Variants in MED16 observed in about 807,000 individuals in gnomAD.
MED16 encodes the protein mediator of RNA polymerase II transcription subunit 16.
In MED16, 81 loss-of-function variants were observed where a neutral mutation model predicts 84.4. The ratio of observed to expected loss-of-function variants is 0.96; its 90% CI spans 0.80 to 1.15. The LOEUF is 1.15. Ranked by LOEUF, MED16 falls within the 50% of genes most tolerant of loss-of-function variation. MED16 has a pLI of 0.00. For missense variants in MED16, 1,585 were observed against 1,245.9 expected (o/e 1.27, Z -4.10); for synonymous variants, 897 against 552.2 (o/e 1.62, Z -8.76).
At chr19:875,645 G>A (rs1180527482) in intron 9 of MED16, among the ~76,000 whole-genome samples, 191 bp from the exon 10 acceptor site, 1 of 152,216 alleles carries the variant, frequency 6.6e-6, no homozygotes, top group Non-Finnish European at 1.5e-5. Context: ...ACCAGGTGCT[G>A]GGTTCTCAGC....
chr19:873,228 G>A (rs533140543), intron 11 of MED16, among the ~76,000 whole-genome samples: 36 of 143,478 alleles, frequency 2.5e-4, no homozygotes, highest in Middle Eastern at 3.5e-3. Context: ...GACTCAGGAA[G>A]TGGGACTCCA....
At position 875,290 on chromosome 19, in the gene MED16, G is replaced by C; in HGVS notation, c.1725C>G (p.Ser575Arg). ...RPHFLNTPDK[S>R]PGDRLTEICT... is the part of the protein sequence containing the mutation. ...AGATCTCGGTCAGCCGGTCGCCGGG[G>C]CTCTTGTCAGGCGTGTTGAGAAAGT... The change falls in exon 10 of 16, where the codon AGC becomes AGG. Residue 575 changes from serine (S) to arginine (R), a missense_variant. By Grantham distance (110) the Ser-to-Arg change is moderately radical. Coordinates refer to ENST00000325464, the MANE Select transcript of MED16 (RefSeq NM_005481.3). 1 of 1,332,410 alleles carries C rather than the reference G, an allele frequency of 7.5e-7. No individual in the cohort carries two copies. Among genetic ancestry groups the C allele is most frequent in the Non-Finnish European group, 9.7e-7 (1 of 1,034,934 alleles). The allele number at this position is 1,332,410 out of a possible 1,614,324, so 82.5% of individuals were successfully genotyped here. A position where few individuals can be genotyped will look rare whatever the true frequency, so the allele number is the denominator to read the frequency against.
At chr19:878,560 C>A (rs1401530514) in intron 8 of MED16, among the ~76,000 whole-genome samples, 1 of 8,818 alleles carries the variant, frequency 1.1e-4, no homozygotes, top group Admixed American at 9.9e-4. Context: ...CCCACCAGCC[C>A]CAGCCCCAGC....
chr19:878,546 A>C, intron 8 of MED16, among the ~76,000 whole-genome samples: 3 of 103,098 alleles, frequency 2.9e-5, no homozygotes, highest in African/African-American at 3.8e-5. Context: ...CGTGGTTGTC[A>C]ATGCCCACCA....
rs1222476864 is a variant in MED16, at chr19:877,640, TCCCAGCCCCAGC to T, written c.1354-472_1354-461del. 3.1e-4 allele frequency among the ~76,000 whole-genome samples: 29 copies of T among 94,542 alleles called. 1 individual carries two copies. The South Asian group carries it at 7.8e-3, about 25-fold the overall frequency. 62.0% of individuals were successfully genotyped at this position (94,542 alleles called of 152,430 possible). ...CCGGGGGCGCCTCCCTCTGGCACCC[TCCCAGCCCCAGC>T]CCCAGCCCCAGACCCACGTGCCCCA... is the stretch of plus-strand genomic sequence containing the variant. On this transcript the variant is annotated intron_variant, in intron 8 of 15. Transcript: ENST00000325464.
intron 2 of MED16, 25 bp from the exon 3 acceptor site, chr19:890,269 A>G (rs1211936401): frequency 1.4e-6 from 2 of 1,450,922 alleles, no homozygotes; most frequent in Admixed American, 2.4e-5. Context: ...CATGGTCAGC[A>G]CGGCCTGGCA....
intron 11 of MED16, among the ~76,000 whole-genome samples, chr19:872,758 C>T (rs2036112415): frequency 6.6e-6 from 1 of 151,116 alleles, no homozygotes; most frequent in Non-Finnish European, 1.5e-5. Context: ...CCACCCCAGG[C>T]GCAGGGAGCT....
In MED16 at chr19:884,854, C is replaced by T. The variant is rs751688609; in HGVS notation, c.985+49G>A. On this transcript the variant is annotated intron_variant, in intron 6 of 15. Coordinates refer to ENST00000325464, the MANE Select transcript of MED16 (RefSeq NM_005481.3). ...GACCTGCCTCCAAAATAAAAACCAA[C>T]CGCCCCCGAGGGCAGGCCCAGGGCC... is the stretch of plus-strand genomic sequence containing the variant. 2.0e-6 allele frequency: 3 copies of T among 1,468,694 alleles called. No individual in the cohort carries two copies. The South Asian group carries it at 3.6e-5, about 18-fold the overall frequency. The allele number at this position is 1,468,694 out of a possible 1,614,324, so 91.0% of individuals were successfully genotyped here.
chr19:872,711 G>A (rs2036111070), intron 11 of MED16, among the ~76,000 whole-genome samples: 2 of 151,950 alleles, frequency 1.3e-5, no homozygotes, highest in South Asian at 2.1e-4. Flanking sequence ...CAGAACTGAA[G>A]GTGGAGGTGT....
At position 891,031 on chromosome 19, in the gene MED16, G is replaced by A. The variant is rs768637023; in HGVS notation, c.101C>T (p.Pro34Leu). Residue 34 changes from proline (P) to leucine (L), a missense_variant, in exon 2 of 16, where the codon CCC (proline) becomes CTC (leucine). By Grantham distance (98) the Pro-to-Leu change is moderately conservative. Coordinates refer to ENST00000325464, the MANE Select transcript of MED16 (RefSeq NM_005481.3). The part of the protein sequence containing the change: ...WSKSTHCPSV[P>L]LACAWSCRNL... ...TCGGCAGGACCAGGCGCAGGCCAGG[G>A]GCACCGATGGGCAGTGGGTGCTCTT... 5 of 1,614,116 alleles carry A rather than the reference G, an allele frequency of 3.1e-6. No homozygotes were observed. The South Asian group carries it at 3.3e-5, about 11-fold the overall frequency.
intron 11 of MED16, among the ~76,000 whole-genome samples, chr19:873,222 CAG>C (rs2036136378): frequency 7.5e-6 from 1 of 132,614 alleles, no homozygotes. Context: ...GAGACAGACT[CAG>C]GAAGTGGGAC....
chr19:878,013 A>C (rs866385774), intron 8 of MED16, among the ~76,000 whole-genome samples: 1 of 56,616 alleles, frequency 1.8e-5, no homozygotes, highest in Admixed American at 2.1e-4. Context: ...GTGGTTGTCA[A>C]CGCCCACCAG....
intron 1 of MED16, 143 bp downstream of exon 1, chr19:892,942 CA>C (rs2036672751): frequency 5.4e-5 from 8 of 147,226 alleles, no homozygotes; most frequent in Non-Finnish European, 9.1e-5. Flanking sequence ...CCCCGCGCCC[CA>C]GGCCGCCTAC....
chr19:881,215 C>G (rs1218077799), intron 7 of MED16, among the ~76,000 whole-genome samples: 5 of 152,174 alleles, frequency 3.3e-5, no homozygotes, highest in Non-Finnish European at 5.9e-5. Context: ...GGTTTGAGCT[C>G]AGGACCACAT....
At chr19:879,485 C>G (rs1479947419) in intron 8 of MED16, among the ~76,000 whole-genome samples, 4 of 129,748 alleles carry the variant, frequency 3.1e-5, no homozygotes, top group East Asian at 2.5e-4. Flanking sequence ...GCCCACCAGC[C>G]CCAGCCCCAC....
At chr19:869,697 C>T (rs143531881) in intron 13 of MED16, among the ~76,000 whole-genome samples, 8 of 152,272 alleles carry the variant, frequency 5.3e-5, no homozygotes, top group East Asian at 3.9e-4. Context: ...GGAGCCGAGC[C>T]GGGGCCTTCC....
rs2035960982 is a variant in MED16 at position 868,228 on chromosome 19, TCCGGC to T, written c.2502_2506del (p.Pro835ArgfsTer9). The T allele has an allele frequency of 6.3e-7, 1 of 1,598,676 alleles. No homozygotes were observed. Among genetic ancestry groups the T allele is most frequent in the Non-Finnish European group, 8.5e-7 (1 of 1,173,694 alleles). On this transcript the variant is annotated frameshift_variant, in exon 16 of 16. Transcript: ENST00000325464. LOFTEE classifies it low-confidence loss of function (END_TRUNC). ...AGAAGCTCTGCTGGTCACGCAGGCG[TCCGGC>T]CCACGGCCTTCAACAGCCCTGCAGG...
intron 8 of MED16, among the ~76,000 whole-genome samples, chr19:877,444 C>T (rs563394035): frequency 1.8e-3 from 281 of 152,278 alleles, no homozygotes; most frequent in Non-Finnish European, 2.2e-3. Flanking sequence ...TCTGCTTTAC[C>T]TGAGGAGTCT....
chr19:880,299 G>T, intron 7 of MED16, 151 bp from the exon 8 acceptor site: 1 of 640,680 alleles, frequency 1.6e-6, no homozygotes, highest in Non-Finnish European at 2.5e-6. Flanking sequence ...CGTGCCCCCA[G>T]CCACTCTTTC....
Sources: gnomAD v4.1 joint callset for allele counts (sites outside exome capture counted in the v4.1 genomes callset) on GRCh38, gnomAD v4.1.1 for gene constraint, MANE v1.5 for transcripts, NCBI Gene and HGNC (gene_info 2026-07-23, HGNC 2026-07-21) for gene names.